The following GSN variants were observed in gnomAD, a reference collection of about 807,000 sequenced individuals.
GSN encodes the protein gelsolin.
In GSN, 56 loss-of-function variants were observed where a neutral mutation model predicts 85.7. The ratio of observed to expected loss-of-function variants is 0.65; its 90% CI spans 0.53 to 0.82. The LOEUF (loss-of-function observed/expected upper bound fraction) is 0.82. Among genes scored for constraint, GSN ranks in the 40% least tolerant of loss-of-function variants. The probability of loss-of-function intolerance (pLI) is 0.00; values close to 1 mark genes in which losing one functional copy is unlikely to be tolerated. For missense variants in GSN, 857 were observed against 979.8 expected, an observed-to-expected ratio of 0.87 and a Z score of 1.67; for synonymous variants, 373 against 399.1, an observed-to-expected ratio of 0.93 and a Z score of 0.78.
At chr9:121,221,481 G>A (rs997542077) in intron 4 of GSN, among the ~76,000 whole-genome samples, 1 of 152,172 alleles carries the variant, frequency 6.6e-6, no homozygotes, top group Admixed American at 6.5e-5. Flanking sequence ...CCCCTCTCCT[G>A]TTCTAGCGTG....
intron 2 of GSN, chr9:121,282,755 C>T (rs2057544799): frequency 4.9e-6 from 2 of 407,036 alleles, no homozygotes; most frequent in Non-Finnish European, 9.0e-6. Flanking sequence ...TGAGACTGAG[C>T]CCTGATAACT....
At chr9:121,229,200 T>C (rs1458859390) in intron 4 of GSN, among the ~76,000 whole-genome samples, 1 of 152,188 alleles carries the variant, frequency 6.6e-6, no homozygotes, top group Non-Finnish European at 1.5e-5. Flanking sequence ...TCTTCAGTCT[T>C]TCATAATGAA....
In GSN at chr9:121,332,675, A is replaced by G. The variant is rs865914463; in HGVS notation, c.*72A>G. 8.5e-7 allele frequency: 1 copy of G among 1,173,732 alleles called. No homozygotes were observed. Among genetic ancestry groups the G allele is most frequent in the South Asian group, 1.3e-5 (1 of 78,482 alleles). 72.7% of individuals were successfully genotyped at this position (1,173,732 alleles called of 1,614,324 possible). On this transcript the variant is annotated 3_prime_UTR_variant, in exon 18 of 18. Transcript: ENST00000432226. The surrounding 1 kb of genome is among the most constrained non-coding windows in gnomAD (Gnocchi z 4.8). Reference sequence around the variant, plus strand: ...TGTCCTTCCCTCAAAGAGGCCTTAGAGCGAGCAGAGCAGCTCTGCTATGAG... The same window carrying G: ...TGTCCTTCCCTCAAAGAGGCCTTAGGGCGAGCAGAGCAGCTCTGCTATGAG...
intron 6 of GSN, among the ~76,000 whole-genome samples, chr9:121,259,140 C>T (rs533319543): frequency 6.6e-6 from 1 of 152,324 alleles, no homozygotes; most frequent in South Asian, 2.1e-4. Context: ...GGCATTTTCA[C>T]AGGAAGCAGA....
At chr9:121,272,009 C>T (rs977679162) in intron 1 of GSN, among the ~76,000 whole-genome samples, 1 of 152,172 alleles carries the variant, frequency 6.6e-6, no homozygotes, top group Non-Finnish European at 1.5e-5. Context: ...GAGAAAAGCA[C>T]GTCCCAGGGG....
At chr9:121,284,746 C>G (rs910253618) in intron 2 of GSN, 5 of 167,088 alleles carry the variant, frequency 3.0e-5, no homozygotes, top group African/African-American at 1.2e-4. Flanking sequence ...TACCAGGGAG[C>G]CATGGACAGG....
At position 121,249,848 on chromosome 9, in the gene GSN, C is replaced by T. The variant is rs112717417; in HGVS notation, c.-341+1525C>T. 3.7e-3 allele frequency among the ~76,000 whole-genome samples: 566 copies of T among 152,304 alleles called. 6 individuals carry two copies. The highest frequency in any genetic ancestry group is 0.013 in the African/African-American group (539 of 41,558). On this transcript the variant is annotated intron_variant, in intron 6 of 24. Transcript: ENST00000373823. ...TGAAATTAGGGAAAGAAAATGGCTG[C>T]TGCTTTCTTGAAAGAAATGGAAACT...
At chr9:121,258,995 G>T (rs2055025949) in intron 6 of GSN, among the ~76,000 whole-genome samples, 1 of 152,136 alleles carries the variant, frequency 6.6e-6, no homozygotes. Flanking sequence ...ACAAGACTTG[G>T]TCCCTGCCCA....
intron 4 of GSN, chr9:121,222,896 G>GA (rs1307245007): frequency 1.4e-5 from 2 of 146,764 alleles, no homozygotes; most frequent in Non-Finnish European, 2.9e-5. Context: ...CTTGGACTTG[G>GA]GGGGGGGTCT....
At chr9:121,324,186 A>G (rs1282962219) in intron 11 of GSN, among the ~76,000 whole-genome samples, 1 of 152,166 alleles carries the variant, frequency 6.6e-6, no homozygotes, top group Non-Finnish European at 1.5e-5. Flanking sequence ...AACACTTGCT[A>G]TTCTGCGACC....
At chr9:121,254,403 A>C (rs773818461) in intron 6 of GSN, among the ~76,000 whole-genome samples, 7 of 152,126 alleles carry the variant, frequency 4.6e-5, no homozygotes, top group Non-Finnish European at 7.4e-5. Context: ...TCTTATTTAA[A>C]TGTAAGTTCT....
At chr9:121,281,094 G>C (rs979255291) in intron 1 of GSN, 3 of 161,626 alleles carry the variant, frequency 1.9e-5, no homozygotes, top group African/African-American at 7.2e-5. Flanking sequence ...TGGAGGAAAG[G>C]GGGTGCACAA....
At chr9:121,326,250 A>G (rs1463302143) in intron 12 of GSN, among the ~76,000 whole-genome samples, 1 of 151,846 alleles carries the variant, frequency 6.6e-6, no homozygotes, top group African/African-American at 2.4e-5. Context: ...TGGTTCTTGG[A>G]CCAGGCTGAG....
upstream of GSN, among the ~76,000 whole-genome samples, chr9:121,266,631 T>C (rs551928340): frequency 6.6e-6 from 1 of 152,262 alleles, no homozygotes; most frequent in South Asian, 2.1e-4. Context: ...GACTCAGGCA[T>C]AGAAGAGTAG....
chr9:121,286,518 C>T, intron 2 of GSN: 1 of 1,262,692 alleles, frequency 7.9e-7, no homozygotes, highest in Non-Finnish European at 1.1e-6. Context: ...AAGGGAAACT[C>T]CATTTATCCT....
chr9:121,304,381 C>T (rs559935965), intron 4 of GSN, among the ~76,000 whole-genome samples: 1 of 152,240 alleles, frequency 6.6e-6, no homozygotes, highest in Non-Finnish European at 1.5e-5. Flanking sequence ...GGCCTTGATA[C>T]CTTGCAGAAG....
At chr9:121,234,346 T>C (rs58223619) in intron 5 of GSN, among the ~76,000 whole-genome samples, 33,845 of 152,026 alleles carry the variant, frequency 0.22, 4,291 homozygotes, top group African/African-American at 0.35. Flanking sequence ...TCTTGAAAAG[T>C]AATAGAGAGA....
At chr9:121,221,088 G>T (rs1383085275) in intron 4 of GSN, among the ~76,000 whole-genome samples, 1 of 152,184 alleles carries the variant, frequency 6.6e-6, no homozygotes, top group Non-Finnish European at 1.5e-5. Context: ...GCGCCGAGGG[G>T]CCGCCTCTCT....
intron 5 of GSN, among the ~76,000 whole-genome samples, chr9:121,232,828 T>G (rs1266318874): frequency 6.6e-6 from 1 of 152,202 alleles, no homozygotes; most frequent in Admixed American, 6.5e-5. Context: ...GGTACTTCCT[T>G]TCAAGAACCT....
Sources: gnomAD v4.1 joint callset for allele counts (sites outside exome capture counted in the v4.1 genomes callset) on GRCh38, gnomAD v4.1.1 for gene constraint, Gnocchi (gnomAD v3.1) non-coding constraint, MANE v1.5 for transcripts, NCBI Gene and HGNC (gene_info 2026-07-23, HGNC 2026-07-21) for gene names.